Variants in CASTOR2 observed in about 807,000 individuals in gnomAD.
CASTOR2 encodes the protein GATS protein like 2.
A neutral mutation model predicts 31.2 loss-of-function variants in CASTOR2; 8 were observed. The ratio of observed to expected loss-of-function variants is 0.26; its 90% CI spans 0.15 to 0.46. The LOEUF (loss-of-function observed/expected upper bound fraction) is 0.46, where lower values mean the gene tolerates loss of function less well. CASTOR2 is among the 20% of genes least tolerant of loss of function. The pLI is 0.99. For synonymous variants in CASTOR2, 162 were observed against 158.7 expected (o/e 1.02, Z -0.16); for missense variants, 216 against 382.1 (o/e 0.57, Z 3.62).
intron 3 of CASTOR2, 60 bp from the exon 4 acceptor site, chr7:75,017,930 C>T (rs1804903938): frequency 3.1e-6 from 5 of 1,613,778 alleles, no homozygotes; most frequent in Non-Finnish European, 4.2e-6. Context: ...GAGGTCGGTG[C>T]CCCAGACCCA....
Position 75,027,915 on chromosome 7 carries a change from TGGGA to T in CASTOR2, c.*3220_*3223del. ...CCCAGCTATCTCCTGGTCTGCTGGG[TGGGA>T]GGGTCTCTCCAGGCCCCAGACCCCA... On this transcript the variant is annotated 3_prime_UTR_variant, in exon 9 of 9. Coordinates refer to ENST00000616305, the MANE Select transcript of CASTOR2 (RefSeq NM_001145064.3). The T allele has an allele frequency of 3.5e-6, 4 of 1,140,558 alleles. No homozygotes were observed. Among genetic ancestry groups the T allele is most frequent in the South Asian group, 1.3e-5 (1 of 75,952 alleles). 70.7% of individuals were successfully genotyped at this position (1,140,558 alleles called of 1,614,324 possible).
rs1403578113 is a variant in CASTOR2 at position 75,031,105 on chromosome 7, A to G, written c.*6406A>G. Among the ~76,000 whole-genome samples the G allele has an allele frequency of 2.0e-5, 3 of 152,214 alleles. No individual in the cohort carries two copies. The highest frequency in any genetic ancestry group is 7.2e-5 in the African/African-American group (3 of 41,466). Reference sequence around the variant, plus strand: ...TGAGCAGAGTTCCCTCTAAAAGAGTAGGGAGCTGATAACAGTCCCAAGCCC... The same window carrying G: ...TGAGCAGAGTTCCCTCTAAAAGAGTGGGGAGCTGATAACAGTCCCAAGCCC... On this transcript the variant is annotated 3_prime_UTR_variant, in exon 9 of 9. Coordinates refer to ENST00000616305, the MANE Select transcript of CASTOR2 (RefSeq NM_001145064.3).
intron 1 of CASTOR2, among the ~76,000 whole-genome samples, chr7:74,986,634 A>ACGCCC (rs1446884922): frequency 6.6e-6 from 1 of 152,066 alleles, no homozygotes; most frequent in Non-Finnish European, 1.5e-5. Context: ...CCTGCCCCTT[A>ACGCCC]CGCCCCCTTC....
intron 7 of CASTOR2, among the ~76,000 whole-genome samples, chr7:75,023,470 G>GTTTT (rs1473859596): frequency 4.0e-5 from 1 of 24,950 alleles, no homozygotes. Flanking sequence ...TTTTCTTTTT[G>GTTTT]TTTTTTGTTT....
intron 1 of CASTOR2, 96 bp from the exon 2 acceptor site, chr7:75,007,898 G>A (rs1804641037): frequency 4.4e-6 from 7 of 1,585,002 alleles, no homozygotes; most frequent in Non-Finnish European, 5.2e-6. Flanking sequence ...GGAACTCTGG[G>A]TGAACTGAGT....
chr7:75,013,195 A>T (rs2131950082), intron 2 of CASTOR2, among the ~76,000 whole-genome samples: 1 of 152,310 alleles, frequency 6.6e-6, no homozygotes, highest in East Asian at 1.9e-4. Flanking sequence ...TGCCACTCTT[A>T]ACATGAGCCA....
rs1315680084 is a variant in CASTOR2, at chr7:75,031,379, G to A, written c.*6680G>A. Among the ~76,000 whole-genome samples the A allele has an allele frequency of 6.6e-6, 1 of 152,066 alleles. No homozygotes were observed. The highest frequency in any genetic ancestry group is 6.6e-5 in the Admixed American group (1 of 15,258). On this transcript the variant is annotated 3_prime_UTR_variant, in exon 9 of 9. Transcript: ENST00000616305. ...TGCCATCTTATCCCTACCCCCCCGG[G>A]GCCCTCAAGCTTATTTTCTTGTTGA...
At chr7:74,995,273 G>A (rs1161745288) in intron 1 of CASTOR2, among the ~76,000 whole-genome samples, 3 of 151,958 alleles carry the variant, frequency 2.0e-5, no homozygotes, top group Middle Eastern at 3.4e-3. Context: ...GTATGAAACC[G>A]ACAGCTCAGG....
Position 75,030,231 on chromosome 7 carries a change from G to A in CASTOR2, c.*5532G>A, listed in dbSNP as rs1056301316. 2.0e-3 allele frequency among the ~76,000 whole-genome samples: 298 copies of A among 152,362 alleles called. No homozygotes were observed. The highest frequency in any genetic ancestry group is 6.3e-3 in the African/African-American group (261 of 41,596). The stretch of plus-strand genomic sequence containing the variant: ...TATGCACACGTTTGTGCATGTACCT[G>A]TGAGCGTGGATGTGTTCCTATGCAT... On this transcript the variant is annotated 3_prime_UTR_variant, in exon 9 of 9. Coordinates refer to ENST00000616305, the MANE Select transcript of CASTOR2 (RefSeq NM_001145064.3).
intron 1 of CASTOR2, among the ~76,000 whole-genome samples, chr7:74,995,589 CGAG>C (rs1395222103): frequency 2.0e-5 from 3 of 150,028 alleles, no homozygotes; most frequent in Admixed American, 6.7e-5. Flanking sequence ...GGGCGGGTCA[CGAG>C]GTCAGGAGAT....
intron 2 of CASTOR2, among the ~76,000 whole-genome samples, chr7:75,014,314 C>T (rs1804816218): frequency 6.6e-6 from 1 of 150,456 alleles, no homozygotes; most frequent in African/African-American, 2.5e-5. Context: ...TGGCTGACAC[C>T]TGTAATCCCA....
Position 75,025,052 on chromosome 7 carries a change from C to T in CASTOR2, c.*353C>T, listed in dbSNP as rs1805090066. Among the ~76,000 whole-genome samples the T allele has an allele frequency of 1.3e-5, 2 of 152,272 alleles. No homozygotes were observed. The highest frequency in any genetic ancestry group is 1.3e-4 in the Admixed American group (2 of 15,290). Reference sequence around the variant, plus strand: ...GGCAGATGCCGAGGGAAGCCGGTCCCTCCTGCGAGACACCGGTGTGCCAGC... The same window carrying T: ...GGCAGATGCCGAGGGAAGCCGGTCCTTCCTGCGAGACACCGGTGTGCCAGC... On this transcript the variant is annotated 3_prime_UTR_variant, in exon 9 of 9. Coordinates refer to ENST00000616305, the MANE Select transcript of CASTOR2 (RefSeq NM_001145064.3).
chr7:75,026,525 T>C lies in CASTOR2; in HGVS notation c.*1826T>C, dbSNP rs1805137760. ...GTTTCTGTGGTCAGAGGAGAAGGGATATTTTCTAGTCCTGACAAAGTGTTC... is the reference window on the plus strand; with the variant it reads ...GTTTCTGTGGTCAGAGGAGAAGGGACATTTTCTAGTCCTGACAAAGTGTTC... On this transcript the variant is annotated 3_prime_UTR_variant, in exon 9 of 9. Coordinates refer to ENST00000616305, the MANE Select transcript of CASTOR2 (RefSeq NM_001145064.3). Among the ~76,000 whole-genome samples the C allele has an allele frequency of 6.6e-6, 1 of 152,110 alleles. No homozygotes were observed. Among genetic ancestry groups the C allele is most frequent in the African/African-American group, 2.4e-5 (1 of 41,414 alleles).
Position 75,027,950 on chromosome 7 carries a change from A to T in CASTOR2, c.*3251A>T. 7.1e-7 allele frequency: 1 copy of T among 1,418,230 alleles called. No homozygotes were observed. Among genetic ancestry groups the T allele is most frequent in the Non-Finnish European group, 9.6e-7 (1 of 1,041,754 alleles). The allele number at this position is 1,418,230 out of a possible 1,614,324, so 87.9% of individuals were successfully genotyped here. A position where few individuals can be genotyped will look rare whatever the true frequency, so the allele number is the denominator to read the frequency against. The stretch of plus-strand genomic sequence containing the variant: ...TCTCCAGGCCCCAGACCCCACTTGG[A>T]GGGGCATGTGTTTCTCAGAGGGGCT... On this transcript the variant is annotated 3_prime_UTR_variant, in exon 9 of 9. Transcript: ENST00000616305.
chr7:75,001,468 C>G (rs1220918652), intron 1 of CASTOR2, among the ~76,000 whole-genome samples: 4 of 152,168 alleles, frequency 2.6e-5, no homozygotes, highest in Non-Finnish European at 4.4e-5. Flanking sequence ...AGGCAGAGTA[C>G]AGAGAGGCCA....
At chr7:75,005,599 C>T (rs1458050547) in intron 1 of CASTOR2, among the ~76,000 whole-genome samples, 6 of 152,140 alleles carry the variant, frequency 3.9e-5, no homozygotes, top group African/African-American at 9.7e-5. Context: ...TGTATTTGCA[C>T]CTAAGTCTTT....
chr7:74,978,052 C>T (rs190008842), intron 1 of CASTOR2, among the ~76,000 whole-genome samples: 1 of 150,680 alleles, frequency 6.6e-6, no homozygotes, highest in East Asian at 2.0e-4. Context: ...CATACTCCAA[C>T]CTCTGAGCTA....
rs587708131 is a variant in CASTOR2 at position 74,994,342 on chromosome 7, A to T, written c.114-13652A>T. Among the ~76,000 whole-genome samples, 20 of 152,296 alleles carry T rather than the reference A, an allele frequency of 1.3e-4. No homozygotes were observed. The East Asian group carries it at 3.9e-3, about 29-fold the overall frequency. On this transcript the variant is annotated intron_variant, in intron 1 of 8. Coordinates refer to ENST00000616305, the MANE Select transcript of CASTOR2 (RefSeq NM_001145064.3). The stretch of plus-strand genomic sequence containing the variant: ...ACATGTCAACAACTCTGGCAGGGCG[A>T]GGGGACCAGCTGCGACCTGGATCAT...
chr7:75,019,139 A>G (rs1176069033), intron 5 of CASTOR2, 44 bp downstream of exon 5: 11 of 1,551,500 alleles, frequency 7.1e-6, no homozygotes, highest in Non-Finnish European at 9.6e-6. Flanking sequence ...TGGGCCAGGG[A>G]GAGGCATGGC....
Sources: gnomAD v4.1 joint callset for allele counts (sites outside exome capture counted in the v4.1 genomes callset) on GRCh38, gnomAD v4.1.1 for gene constraint, MANE v1.5 for transcripts, NCBI Gene and HGNC (gene_info 2026-07-23, HGNC 2026-07-21) for gene names.